Variants in ARHGEF2 observed in about 807,000 individuals in gnomAD.
ARHGEF2 encodes the protein rho guanine nucleotide exchange factor 2.
A neutral mutation model predicts 121.0 loss-of-function variants in ARHGEF2; 22 were observed. The observed-to-expected ratio is 0.18, with a 90% CI of 0.13 to 0.26. The LOEUF (loss-of-function observed/expected upper bound fraction) is 0.26, where lower values mean the gene tolerates loss of function less well. Ranked by LOEUF, ARHGEF2 falls within the 10% of genes least tolerant of loss-of-function variation. The pLI is 1.00. For missense variants in ARHGEF2, 907 were observed against 1,336.0 expected (o/e 0.68, Z 5.01); for synonymous variants, 487 against 530.0 (o/e 0.92, Z 1.11).
rs1254681375 is a variant in ARHGEF2 at position 155,961,924 on chromosome 1, T to C, written c.1220-15A>G. The stretch of plus-strand genomic sequence containing the variant: ...CTCCTCGATCCCTGGCACCGGGGGT[T>C]GGCATGGGGAACGGCTCAACCAGTT... On this transcript the variant is annotated splice_polypyrimidine_tract_variant and intron_variant, in intron 10 of 21. Transcript: ENST00000361247. This position sits in a 1 kb window ranked among gnomAD's most constrained non-coding sequence, Gnocchi z 4.7. 3 of 1,613,400 alleles carry C rather than the reference T, an allele frequency of 1.9e-6. No individual in the cohort carries two copies. In the East Asian group the frequency reaches 6.7e-5, roughly 36 times the overall value.
intron 1 of ARHGEF2, among the ~76,000 whole-genome samples, chr1:155,975,708 G>A (rs2102695993): frequency 6.6e-6 from 1 of 152,246 alleles, no homozygotes; most frequent in Admixed American, 6.5e-5. Context: ...TAGTCGCTCT[G>A]CACACTCCCC....
chr1:155,955,061 C>T (rs906463623), intron 13 of ARHGEF2, 92 bp from the exon 14 acceptor site: 3 of 1,008,504 alleles, frequency 3.0e-6, no homozygotes, highest in Non-Finnish European at 4.6e-6. Flanking sequence ...ATGCCTTATG[C>T]TTCCATCTTC....
At position 155,961,475 on chromosome 1, in the gene ARHGEF2, T is replaced by C. The variant is rs1964951; in HGVS notation, c.1468+186A>G. 0.88 allele frequency among the ~76,000 whole-genome samples: 133,300 copies of C among 152,000 alleles called. 58,941 individuals carry two copies. The highest frequency in any genetic ancestry group is 1 in the East Asian group (5,159 of 5,166). On this transcript the variant is annotated intron_variant, in intron 11 of 21. Transcript: ENST00000361247. This position sits in a 1 kb window ranked among gnomAD's most constrained non-coding sequence, Gnocchi z 4.7. ...ATTTTCAGTAGAGACAGGGTTTCACTGTGTTAGCCAGGATGGTCTCAATCT... is the reference window on the plus strand; with the variant it reads ...ATTTTCAGTAGAGACAGGGTTTCACCGTGTTAGCCAGGATGGTCTCAATCT...
chr1:155,956,319 G>A (rs528829085), intron 13 of ARHGEF2, among the ~76,000 whole-genome samples: 8 of 151,558 alleles, frequency 5.3e-5, no homozygotes, highest in African/African-American at 1.9e-4. Flanking sequence ...GGCTGGTCTT[G>A]AACTCCTGAC....
Position 155,950,931 on chromosome 1 carries a change from C to T in ARHGEF2, c.2601G>A (p.Glu867=). 2 of 1,605,954 alleles carry T rather than the reference C, an allele frequency of 1.2e-6. No homozygotes were observed. Among genetic ancestry groups the T allele is most frequent in the African/African-American group, 1.3e-5 (1 of 74,868 alleles). ...CCCAGGGGGCCTCAGCTGGGAGTGGCTCGGTCTGGCCCAGGGCGGCCAGCT... is the reference window on the plus strand; with the variant it reads ...CCCAGGGGGCCTCAGCTGGGAGTGGTTCGGTCTGGCCCAGGGCGGCCAGCT... The part of the protein sequence containing the change: ...RRQLAALGQT[E]PLPAEAPWAR... The change falls in exon 20 of 22, where the codon GAG becomes GAA. Residue 867 remains glutamate, a synonymous_variant. Transcript: ENST00000361247. This position sits in a 1 kb window ranked among gnomAD's most constrained non-coding sequence, Gnocchi z 5.2.
rs138026315 is a variant in ARHGEF2 at position 155,965,141 on chromosome 1, A to G, written c.581-10T>C. Reference sequence around the variant, plus strand: ...CTGTAGATTACCTCTGCTGGACATTAGCAGGGCAAGCAACTCAGAGGTCTT... The same window carrying G: ...CTGTAGATTACCTCTGCTGGACATTGGCAGGGCAAGCAACTCAGAGGTCTT... On this transcript the variant is annotated splice_polypyrimidine_tract_variant and intron_variant, in intron 6 of 21. Coordinates refer to ENST00000361247, the MANE Select transcript of ARHGEF2 (RefSeq NM_001162383.2). This position sits in a 1 kb window ranked among gnomAD's most constrained non-coding sequence, Gnocchi z 6.0. The G allele has an allele frequency of 0.015, 23,687 of 1,613,816 alleles. 258 individuals are homozygous for G. Among genetic ancestry groups the G allele is most frequent in the South Asian group, 0.04 (3,668 of 91,076 alleles).
At position 155,950,312 on chromosome 1, in the gene ARHGEF2, G is replaced by T; in HGVS notation, c.2874C>A (p.Pro958=). The T allele has an allele frequency of 6.2e-7, 1 of 1,612,900 alleles. No individual in the cohort carries two copies. ...CCAGGGTCTCACCTCGTGGACTGTGGGGCGGAGACAGACGGCTGCTACCTT... is the reference window on the plus strand; with the variant it reads ...CCAGGGTCTCACCTCGTGGACTGTGTGGCGGAGACAGACGGCTGCTACCTT... The part of the protein sequence containing the change: ...EEEGSSRLSP[P]HSPRDFTRMQ... Residue 958 remains proline, a synonymous_variant, in exon 21 of 22, where the codon CCC becomes CCA. Coordinates refer to ENST00000361247, the MANE Select transcript of ARHGEF2 (RefSeq NM_001162383.2). This position sits in a 1 kb window ranked among gnomAD's most constrained non-coding sequence, Gnocchi z 5.2.
At chr1:155,975,560 G>C (rs1681159920) in intron 1 of ARHGEF2, among the ~76,000 whole-genome samples, 2 of 151,782 alleles carry the variant, frequency 1.3e-5, no homozygotes, top group Admixed American at 1.3e-4. Flanking sequence ...CCACCAGGAG[G>C]ACCCCCCATT....
chr1:155,967,036 T>G, intron 2 of ARHGEF2, 149 bp from the exon 3 acceptor site: 1 of 672,912 alleles, frequency 1.5e-6, no homozygotes, highest in Non-Finnish European at 2.7e-6. Context: ...CACACCCCAG[T>G]CCCTCTCCTC....
At position 155,965,804 on chromosome 1, in the gene ARHGEF2, G is replaced by C; in HGVS notation, c.341-44C>G. ...CAGCAGGCAAACATCAGACTCTGGTGCTTCCCAGGATTGAGGCCTCCTAGG... is the reference window on the plus strand; with the variant it reads ...CAGCAGGCAAACATCAGACTCTGGTCCTTCCCAGGATTGAGGCCTCCTAGG... On this transcript the variant is annotated intron_variant, in intron 4 of 21. Coordinates refer to ENST00000361247, the MANE Select transcript of ARHGEF2 (RefSeq NM_001162383.2). This position sits in a 1 kb window ranked among gnomAD's most constrained non-coding sequence, Gnocchi z 6.0. 6.4e-7 allele frequency: 1 copy of C among 1,560,538 alleles called. No individual in the cohort carries two copies. The highest frequency in any genetic ancestry group is 8.6e-7 in the Non-Finnish European group (1 of 1,163,852).
chr1:155,969,743 G>C (rs2102682957), intron 1 of ARHGEF2: 7 of 994,850 alleles, frequency 7.0e-6, no homozygotes, highest in Non-Finnish European at 8.4e-6. Flanking sequence ...ATCTATGGGA[G>C]TTAGCTCCTC....
At position 155,962,631 on chromosome 1, in the gene ARHGEF2, G is replaced by A; in HGVS notation, c.1063C>T (p.Leu355=). The change falls in exon 9 of 22, where the codon CTG becomes TTG. Residue 355 remains leucine, a synonymous_variant. Transcript: ENST00000361247. This position sits in a 1 kb window ranked among gnomAD's most constrained non-coding sequence, Gnocchi z 5.8. The stretch of plus-strand genomic sequence containing the variant: ...TGGAAGCGTTTGTCTCGGGCGTACA[G>A]CTCCTTATAGAGCTTTAAGGCCTTG... ...HSKALKLYKE[L]YARDKRFQQF... The A allele has an allele frequency of 6.2e-7, 1 of 1,614,186 alleles. No homozygotes were observed. The highest frequency in any genetic ancestry group is 8.5e-7 in the Non-Finnish European group (1 of 1,180,032).
intron 1 of ARHGEF2, among the ~76,000 whole-genome samples, chr1:155,974,113 T>G (rs1379622066): frequency 6.6e-6 from 1 of 152,124 alleles, no homozygotes; most frequent in Non-Finnish European, 1.5e-5. Flanking sequence ...CTCAAATTCC[T>G]GAGCTCATGC....
intron 1 of ARHGEF2, among the ~76,000 whole-genome samples, chr1:155,971,970 C>G (rs1680559375): frequency 6.6e-6 from 1 of 151,982 alleles, no homozygotes; most frequent in South Asian, 2.1e-4. Flanking sequence ...AACAACATGG[C>G]TGGACCAGGG....
At chr1:155,953,980 G>GT (rs1356747100) in intron 14 of ARHGEF2, among the ~76,000 whole-genome samples, 2 of 151,496 alleles carry the variant, frequency 1.3e-5, no homozygotes, top group African/African-American at 4.9e-5. Flanking sequence ...CCTTGTTGGG[G>GT]TTTTTTTTGT....
chr1:155,951,106 C>T lies in ARHGEF2; in HGVS notation c.2426G>A (p.Arg809Gln), dbSNP rs1254320249. 2 of 1,603,234 alleles carry T rather than the reference C, an allele frequency of 1.2e-6. No individual in the cohort carries two copies. Among genetic ancestry groups the T allele is most frequent in the Admixed American group, 1.7e-5 (1 of 58,670 alleles). ...CTCCTCCTGCAGCAGCGCATGTTGC[C>T]GCTGCAGTAATGCCAGTTCCGTGGC... ...KQATELALLQ[R>Q]QHALLQEELR... The change falls in exon 20 of 22, where the codon CGG (arginine) becomes CAG (glutamine). Residue 809 changes from arginine (R) to glutamine (Q), a missense_variant. Arg to Gln is a conservative substitution (Grantham distance 43). Around this residue, in one of 2 missense-constraint regions of ARHGEF2, gnomAD observed 432 missense variants for 559.5 expected, o/e 0.77. Coordinates refer to ENST00000361247, the MANE Select transcript of ARHGEF2 (RefSeq NM_001162383.2). The surrounding 1 kb of genome is among the most constrained non-coding windows in gnomAD (Gnocchi z 5.1).
At chr1:155,975,592 G>A (rs1260961929) in intron 1 of ARHGEF2, among the ~76,000 whole-genome samples, 3 of 151,788 alleles carry the variant, frequency 2.0e-5, no homozygotes, top group South Asian at 2.1e-4. Context: ...CTCCAACACC[G>A]TCAGCCCTCT....
At position 155,965,330 on chromosome 1, in the gene ARHGEF2, G is replaced by C. The variant is rs1446991693; in HGVS notation, c.553C>G (p.Leu185Val). 2 of 1,614,196 alleles carry C rather than the reference G, an allele frequency of 1.2e-6. No individual in the cohort carries two copies. The highest frequency in any genetic ancestry group is 1.7e-6 in the Non-Finnish European group (2 of 1,180,014). Residue 185 changes from leucine to valine, a missense_variant, in exon 6 of 22, where the codon CTA becomes GTA. Leu to Val is a conservative substitution (Grantham distance 32). Transcript: ENST00000361247. This position sits in a 1 kb window ranked among gnomAD's most constrained non-coding sequence, Gnocchi z 6.0. ...TDSLNMRNRT[L>V]SVESLIDEAE... Reference sequence around the variant, plus strand: ...TCGTCAATGAGGGATTCCACGGATAGGGTTCGGTTCCGCATGTTGAGGGAG... The same window carrying C: ...TCGTCAATGAGGGATTCCACGGATACGGTTCGGTTCCGCATGTTGAGGGAG...
chr1:155,948,905 C>T (rs1674830732), intron 21 of ARHGEF2, among the ~76,000 whole-genome samples: 1 of 152,140 alleles, frequency 6.6e-6, no homozygotes, highest in African/African-American at 2.4e-5. Flanking sequence ...CACTCTCACT[C>T]TCCGTAGCTA....
Sources: allele counts gnomAD v4.1 joint callset (sites outside exome capture counted in the v4.1 genomes callset), GRCh38; gene constraint gnomAD v4.1.1; regional missense constraint gnomAD v4.1.1; non-coding constraint Gnocchi (gnomAD v3.1); transcripts MANE v1.5; gene names NCBI Gene and HGNC (gene_info 2026-07-23, HGNC 2026-07-21).